Variants in DNER observed in about 807,000 individuals in gnomAD.
DNER encodes delta and Notch-like epidermal growth factor-related receptor.
Under a neutral mutation model 78.2 loss-of-function variants are expected in DNER, and 33 were observed. That is an observed-to-expected ratio of 0.42 (90% confidence interval 0.32 to 0.56). DNER has a LOEUF of 0.56. Ranked by LOEUF, DNER falls within the 20% of genes least tolerant of loss-of-function variation. The pLI is 0.11. For synonymous variants in DNER, 417 were observed against 384.8 expected, an observed-to-expected ratio of 1.08 and a Z score of -0.98; for missense variants, 918 against 975.3, an observed-to-expected ratio of 0.94 and a Z score of 0.78.
intron 6 of DNER, among the ~76,000 whole-genome samples, chr2:229,478,519 G>A (rs1027362490): frequency 1.1e-4 from 16 of 152,116 alleles, no homozygotes; most frequent in African/African-American, 3.9e-4. Context: ...AGTAAGACAA[G>A]CGCATGAACT....
At chr2:229,367,196 T>C in intron 11 of DNER, 77 bp from the exon 12 acceptor site, 1 of 1,573,172 alleles carries the variant, frequency 6.4e-7, no homozygotes, top group Non-Finnish European at 8.6e-7. Context: ...CATCTTTGCA[T>C]AGATAACTTA....
At chr2:229,537,660 C>G (rs1696433105) in intron 5 of DNER, among the ~76,000 whole-genome samples, 1 of 152,212 alleles carries the variant, frequency 6.6e-6, no homozygotes, top group Admixed American at 6.5e-5. Context: ...GCTTCTATAA[C>G]TGTCCGCATG....
At chr2:229,511,137 A>G (rs575579655) in intron 6 of DNER, among the ~76,000 whole-genome samples, 15 of 152,202 alleles carry the variant, frequency 9.9e-5, no homozygotes, top group Non-Finnish European at 1.8e-4. Flanking sequence ...GTTTCTTACA[A>G]TGAGTACTTA....
At chr2:229,525,974 A>AATCTT (rs199583663) in intron 5 of DNER, among the ~76,000 whole-genome samples, 6,233 of 152,256 alleles carry the variant, frequency 0.041, 399 homozygotes, top group African/African-American at 0.14. Context: ...ATCTTAATTA[A>AATCTT]ATCTTATTAA....
chr2:229,379,326 A>AT (rs11435552), intron 11 of DNER, among the ~76,000 whole-genome samples: 17,567 of 152,198 alleles, frequency 0.12, 1,772 homozygotes, highest in East Asian at 0.52. Flanking sequence ...TGTAATCCTC[A>AT]CAGCAACCAG....
At chr2:229,665,878 T>C (rs1699084866) in intron 1 of DNER, among the ~76,000 whole-genome samples, 1 of 152,206 alleles carries the variant, frequency 6.6e-6, no homozygotes, top group South Asian at 2.1e-4. Context: ...CATGCCTGCA[T>C]CTCTGCAACC....
chr2:229,574,136 C>T (rs1273520378), intron 4 of DNER, among the ~76,000 whole-genome samples: 2 of 152,214 alleles, frequency 1.3e-5, no homozygotes, highest in African/African-American at 4.8e-5. Context: ...AACTGGCTGT[C>T]CTGAGCGAAA....
chr2:229,713,811 A>C (rs1388058991), intron 1 of DNER, among the ~76,000 whole-genome samples: 2 of 152,038 alleles, frequency 1.3e-5, no homozygotes, highest in Admixed American at 1.3e-4. Flanking sequence ...CAAGGCGGGC[A>C]CCGCTCAAGT....
intron 1 of DNER, among the ~76,000 whole-genome samples, chr2:229,700,010 A>C (rs1270236903): frequency 6.6e-6 from 1 of 152,128 alleles, no homozygotes; most frequent in Non-Finnish European, 1.5e-5. Flanking sequence ...TTACGAATCA[A>C]TGTGGGGAAA....
intron 8 of DNER, 117 bp from the exon 9 acceptor site, chr2:229,418,347 G>A (rs558357237): frequency 1.0e-5 from 14 of 1,367,468 alleles, no homozygotes; most frequent in South Asian, 9.9e-5. Flanking sequence ...ATAAACAGAT[G>A]GGATTTCAGG....
chr2:229,598,897 A>C (rs1429245465), intron 1 of DNER, among the ~76,000 whole-genome samples: 1 of 152,086 alleles, frequency 6.6e-6, no homozygotes, highest in Non-Finnish European at 1.5e-5. Context: ...TCCAGCTTGA[A>C]GACTTAAGAT....
chr2:229,675,697 C>T (rs1292355904), intron 1 of DNER, among the ~76,000 whole-genome samples: 5 of 152,190 alleles, frequency 3.3e-5, no homozygotes, highest in Non-Finnish European at 5.9e-5. Flanking sequence ...CACAGGCTCC[C>T]GTTCTGGCCA....
At position 229,546,977 on chromosome 2, in the gene DNER, T is replaced by C; in HGVS notation, c.963A>G (p.Gly321=). The stretch of plus-strand genomic sequence containing the variant: ...ACGGCTTCGTGGTGCATTTTCCTTT[T>C]CCTGAACACTCCAAGTCATTTGCGT... ...ESHANDLECS[G]KGKCTTKPSE... is the part of the protein sequence containing the mutation. The change falls in exon 5 of 13, where the codon GGA becomes GGG. Residue 321 remains glycine, a synonymous_variant. Coordinates refer to ENST00000341772, the MANE Select transcript of DNER (RefSeq NM_139072.4). 4 of 1,614,192 alleles carry C rather than the reference T, an allele frequency of 2.5e-6. No homozygotes were observed. Among genetic ancestry groups the C allele is most frequent in the Non-Finnish European group, 3.4e-6 (4 of 1,180,018 alleles).
chr2:229,491,760 C>A (rs1400094145), intron 6 of DNER, among the ~76,000 whole-genome samples: 1 of 152,136 alleles, frequency 6.6e-6, no homozygotes, highest in Non-Finnish European at 1.5e-5. Flanking sequence ...CATCTACTTT[C>A]TCCTTCCCCT....
chr2:229,377,683 C>G (rs1018214828), intron 11 of DNER, among the ~76,000 whole-genome samples: 4 of 152,132 alleles, frequency 2.6e-5, no homozygotes, highest in African/African-American at 9.7e-5. Context: ...ATTTCTGCTT[C>G]TTATTACTGA....
chr2:229,531,081 C>T (rs1044595898), intron 5 of DNER, among the ~76,000 whole-genome samples: 9 of 152,124 alleles, frequency 5.9e-5, no homozygotes, highest in Non-Finnish European at 1.3e-4. Context: ...TTTACATTCC[C>T]TAGAAACAAT....
At chr2:229,710,546 G>A (rs1345964113) in intron 1 of DNER, among the ~76,000 whole-genome samples, 1 of 152,184 alleles carries the variant, frequency 6.6e-6, no homozygotes, top group Non-Finnish European at 1.5e-5. Flanking sequence ...TTGGAACAGT[G>A]CAGGCACGTG....
At chr2:229,684,169 A>AGTGTGTGTGT (rs59016911) in intron 1 of DNER, among the ~76,000 whole-genome samples, 11 of 94,638 alleles carry the variant, frequency 1.2e-4, no homozygotes, top group African/African-American at 2.2e-4. Flanking sequence ...AGAGAGAGAG[A>AGTGTGTGTGT]GTGTGTGTGT....
rs940637585 is a variant in DNER at position 229,521,974 on chromosome 2, T to C, written c.994-9038A>G. Reference sequence around the variant, plus strand: ...ATTTCCTCATCATTCTTAGATATACTATCATTCTTTTATTCGGGTTCAGTA... The same window carrying C: ...ATTTCCTCATCATTCTTAGATATACCATCATTCTTTTATTCGGGTTCAGTA... On this transcript the variant is annotated intron_variant, in intron 5 of 12. Transcript: ENST00000341772. Among the ~76,000 whole-genome samples the C allele has an allele frequency of 3.9e-5, 6 of 152,192 alleles. No individual in the cohort carries two copies. The East Asian group carries it at 9.6e-4, about 24-fold the overall frequency.
Sources: gnomAD v4.1 joint callset for allele counts (sites outside exome capture counted in the v4.1 genomes callset) on GRCh38, gnomAD v4.1.1 for gene constraint, MANE v1.5 for transcripts, NCBI Gene and HGNC (gene_info 2026-07-23, HGNC 2026-07-21) for gene names.